Variants in TBC1D16 observed in about 807,000 individuals in gnomAD.
The protein encoded by TBC1D16 is TBC1 domain family member 16, also known as CTD-2529O21.1.
A neutral mutation model predicts 74.7 loss-of-function variants in TBC1D16; 58 were observed. The observed-to-expected ratio is 0.78, with a 90% CI of 0.63 to 0.97. The LOEUF (loss-of-function observed/expected upper bound fraction) is 0.97. Ranked by LOEUF, TBC1D16 falls within the 50% of genes least tolerant of loss-of-function variation. The pLI, the probability that TBC1D16 is intolerant of heterozygous loss-of-function variation, is 0.00. For missense variants in TBC1D16, 1,014 were observed against 1,079.5 expected, an observed-to-expected ratio of 0.94 and a Z score of 0.85; for synonymous variants, 493 against 474.7, an observed-to-expected ratio of 1.04 and a Z score of -0.50.
rs1305458705 is a variant in TBC1D16, at chr17:79,983,757, T to G, written c.779+26403A>C. Reference sequence around the variant, plus strand: ...GGAGCACTGGCCTCCTAGGAAGCTCTAGTTCAGACACAGGGGGCGCTGGGT... The same window carrying G: ...GGAGCACTGGCCTCCTAGGAAGCTCGAGTTCAGACACAGGGGGCGCTGGGT... On this transcript the variant is annotated intron_variant, in intron 3 of 11. Coordinates refer to ENST00000310924, the MANE Select transcript of TBC1D16 (RefSeq NM_019020.4). The surrounding 1 kb of genome is among the most constrained non-coding windows in gnomAD (Gnocchi z 5.6). Among the ~76,000 whole-genome samples, 5 of 152,178 alleles carry G rather than the reference T, an allele frequency of 3.3e-5. No individual in the cohort carries two copies. Among genetic ancestry groups the G allele is most frequent in the Admixed American group, 2.0e-4 (3 of 15,286 alleles).
intron 10 of TBC1D16, among the ~76,000 whole-genome samples, chr17:79,943,424 C>T (rs1340529020): frequency 2.0e-5 from 3 of 152,122 alleles, no homozygotes; most frequent in East Asian, 1.9e-4. Context: ...GGCGTAGGGC[C>T]GTCCAGCCCC....
chr17:80,005,357 C>A, intron 3 of TBC1D16, among the ~76,000 whole-genome samples: 1 of 152,212 alleles, frequency 6.6e-6, no homozygotes, highest in South Asian at 2.1e-4. Context: ...TCAGTGGACA[C>A]GGTACCAGCC....
Position 79,950,822 on chromosome 17 carries a change from A to ACT in TBC1D16, c.1090-246_1090-245dup. 6.5e-7 allele frequency: 1 copy of ACT among 1,532,010 alleles called. No homozygotes were observed. Among genetic ancestry groups the ACT allele is most frequent in the Non-Finnish European group, 8.7e-7 (1 of 1,144,880 alleles). The allele number at this position is 1,532,010 out of a possible 1,614,324, so 94.9% of individuals were successfully genotyped here. On this transcript the variant is annotated intron_variant, in intron 5 of 11. Coordinates refer to ENST00000310924, the MANE Select transcript of TBC1D16 (RefSeq NM_019020.4). This position sits in a 1 kb window ranked among gnomAD's most constrained non-coding sequence, Gnocchi z 4.6. The stretch of plus-strand genomic sequence containing the variant: ...CCGGCCCACTGTGCCGCCGCCCCCC[A>ACT]CTCTCTCCAACCCCAGCCGCAAAAA...
chr17:79,965,073 T>C (rs967049022), intron 3 of TBC1D16, among the ~76,000 whole-genome samples: 1 of 119,570 alleles, frequency 8.4e-6, no homozygotes, highest in South Asian at 2.9e-4. Context: ...AATAAGCTAA[T>C]TTTCTGTATT....
rs1420667175 is a variant in TBC1D16 at position 79,939,729 on chromosome 17, A to G, written c.*1130T>C. 6.6e-6 allele frequency: 1 copy of G among 152,206 alleles called. No homozygotes were observed. Among genetic ancestry groups the G allele is most frequent in the East Asian group, 1.9e-4 (1 of 5,190 alleles). 9.4% of individuals were successfully genotyped at this position (152,206 alleles called of 1,614,324 possible). On this transcript the variant is annotated 3_prime_UTR_variant, in exon 12 of 12. Transcript: ENST00000310924. ...TTGGAAGAGGGAGAGTCTGTTGGGA[A>G]GACCTCATTCCCACATAGAAGGCAG... is the stretch of plus-strand genomic sequence containing the variant.
rs779538004 is a variant in TBC1D16, at chr17:80,009,886, T to G, written c.779+274A>C. On this transcript the variant is annotated intron_variant, in intron 3 of 11. Transcript: ENST00000310924. The surrounding 1 kb of genome is among the most constrained non-coding windows in gnomAD (Gnocchi z 5.4). ...TGGGCCCATCAGACCTGGTAGGGCCTGTTTAGTCCTAGTGAGTCTCAAGGA... is the reference window on the plus strand; with the variant it reads ...TGGGCCCATCAGACCTGGTAGGGCCGGTTTAGTCCTAGTGAGTCTCAAGGA... Among the ~76,000 whole-genome samples the G allele has an allele frequency of 2.1e-4, 32 of 152,142 alleles. No homozygotes were observed. Among genetic ancestry groups the G allele is most frequent in the Non-Finnish European group, 3.8e-4 (26 of 68,024 alleles).
rs982321776 is a variant in TBC1D16, at chr17:79,935,922, T to C, written c.*4937A>G. 6 of 152,202 alleles carry C rather than the reference T, an allele frequency of 3.9e-5. No homozygotes were observed. Among genetic ancestry groups the C allele is most frequent in the African/African-American group, 7.2e-5 (3 of 41,446 alleles). 9.4% of individuals were successfully genotyped at this position (152,202 alleles called of 1,614,324 possible). A position where few individuals can be genotyped will look rare whatever the true frequency, so the allele number is the denominator to read the frequency against. On this transcript the variant is annotated 3_prime_UTR_variant, in exon 12 of 12. Transcript: ENST00000310924. ...AGATGGTTGCATGACTTGACCTCTC[T>C]TTGAACTTGAAATGCTACCTTCCTA... is the stretch of plus-strand genomic sequence containing the variant.
rs530255584 is a variant in TBC1D16, at chr17:79,983,551, C to T, written c.779+26609G>A. 2.4e-4 allele frequency among the ~76,000 whole-genome samples: 37 copies of T among 152,234 alleles called. No individual in the cohort carries two copies. The highest frequency in any genetic ancestry group is 6.5e-4 in the Admixed American group (10 of 15,288). Reference sequence around the variant, plus strand: ...GCACCTCAGGCACGGGGAGCTGAGCCACCGACGGCTACAAAGACGGGGACG... The same window carrying T: ...GCACCTCAGGCACGGGGAGCTGAGCTACCGACGGCTACAAAGACGGGGACG... On this transcript the variant is annotated intron_variant, in intron 3 of 11. Transcript: ENST00000310924. The surrounding 1 kb of genome is among the most constrained non-coding windows in gnomAD (Gnocchi z 5.6).
rs1285293 is a variant in TBC1D16 at position 79,950,977 on chromosome 17, C to T, written c.1090-399G>A. On this transcript the variant is annotated intron_variant, in intron 5 of 11. Transcript: ENST00000310924. This position sits in a 1 kb window ranked among gnomAD's most constrained non-coding sequence, Gnocchi z 4.6. The stretch of plus-strand genomic sequence containing the variant: ...GAGCCAGCCTGTCAGATTGCCTCCG[C>T]GAGCAGTCACGAATCCAGGGCAAAA... 275,946 of 829,764 alleles carry T rather than the reference C, an allele frequency of 0.33. 47,086 individuals carry two copies. Among genetic ancestry groups the T allele is most frequent in the Non-Finnish European group, 0.36 (201,516 of 557,530 alleles). 51.4% of individuals were successfully genotyped at this position (829,764 alleles called of 1,614,324 possible).
At position 79,941,489 on chromosome 17, in the gene TBC1D16, A is replaced by AC. The variant is rs558171757; in HGVS notation, c.2056-383dup. ...CTCTTCTTCCCCCGCACCTTGCTCC[A>AC]CCCCCCACCCCCAGCAGCCTCTCAG... is the stretch of plus-strand genomic sequence containing the variant. On this transcript the variant is annotated intron_variant, in intron 11 of 11. Transcript: ENST00000310924. This position sits in a 1 kb window ranked among gnomAD's most constrained non-coding sequence, Gnocchi z 4.3. 3.6e-4 allele frequency among the ~76,000 whole-genome samples: 51 copies of AC among 141,204 alleles called. 1 individual carries two copies. Among genetic ancestry groups the AC allele is most frequent in the African/African-American group, 1.3e-3 (48 of 37,688 alleles). 92.6% of individuals were successfully genotyped at this position (141,204 alleles called of 152,430 possible). A position where few individuals can be genotyped will look rare whatever the true frequency, so the allele number is the denominator to read the frequency against.
In TBC1D16 at chr17:80,009,874, C is replaced by A. The variant is rs1271387037; in HGVS notation, c.779+286G>T. ...TAGCCTTGGTCATGGGCCCATCAGACCTGGTAGGGCCTGTTTAGTCCTAGT... is the reference window on the plus strand; with the variant it reads ...TAGCCTTGGTCATGGGCCCATCAGAACTGGTAGGGCCTGTTTAGTCCTAGT... On this transcript the variant is annotated intron_variant, in intron 3 of 11. Coordinates refer to ENST00000310924, the MANE Select transcript of TBC1D16 (RefSeq NM_019020.4). The surrounding 1 kb of genome is among the most constrained non-coding windows in gnomAD (Gnocchi z 5.4). Among the ~76,000 whole-genome samples the A allele has an allele frequency of 6.6e-6, 1 of 152,202 alleles. No homozygotes were observed. Among genetic ancestry groups the A allele is most frequent in the Non-Finnish European group, 1.5e-5 (1 of 68,024 alleles).
intron 3 of TBC1D16, among the ~76,000 whole-genome samples, chr17:79,982,725 G>A (rs767992086): frequency 8.6e-5 from 13 of 151,956 alleles, no homozygotes; most frequent in East Asian, 7.9e-4. Context: ...CGGGTGTAAC[G>A]GCCGGTGCCT....
At position 80,007,775 on chromosome 17, in the gene TBC1D16, A is replaced by G. The variant is rs2035733172; in HGVS notation, c.779+2385T>C. Among the ~76,000 whole-genome samples the G allele has an allele frequency of 6.6e-6, 1 of 152,152 alleles. No homozygotes were observed. On this transcript the variant is annotated intron_variant, in intron 3 of 11. Coordinates refer to ENST00000310924, the MANE Select transcript of TBC1D16 (RefSeq NM_019020.4). The surrounding 1 kb of genome is among the most constrained non-coding windows in gnomAD (Gnocchi z 4.5). ...GCAGAGAGAGCCCCACAAGATCTAG[A>G]GGCAGAGAGGACGACGAACTTGGAG...
intron 3 of TBC1D16, 145 bp from the exon 4 acceptor site, chr17:79,952,963 A>C: frequency 1.2e-6 from 1 of 837,796 alleles, no homozygotes. Context: ...CCCTGTAAAC[A>C]CCTGTGAATA....
Position 79,994,719 on chromosome 17 carries a change from C to T in TBC1D16, c.779+15441G>A, listed in dbSNP as rs915530665. Among the ~76,000 whole-genome samples the T allele has an allele frequency of 2.6e-5, 4 of 152,142 alleles. No individual in the cohort carries two copies. Among genetic ancestry groups the T allele is most frequent in the Non-Finnish European group, 5.9e-5 (4 of 68,042 alleles). The stretch of plus-strand genomic sequence containing the variant: ...GATTACAGGCGTGAGCCATTGCGCC[C>T]GGCCGAGAATGTTTTTTCAAAAAAG... On this transcript the variant is annotated intron_variant, in intron 3 of 11. Coordinates refer to ENST00000310924, the MANE Select transcript of TBC1D16 (RefSeq NM_019020.4). The surrounding 1 kb of genome is among the most constrained non-coding windows in gnomAD (Gnocchi z 4.6).
rs139176898 is a variant in TBC1D16 at position 79,961,446 on chromosome 17, T to C, written c.780-8628A>G. 1.9e-3 allele frequency among the ~76,000 whole-genome samples: 293 copies of C among 152,340 alleles called. 1 individual carries two copies. The highest frequency in any genetic ancestry group is 6.7e-3 in the African/African-American group (277 of 41,584). The stretch of plus-strand genomic sequence containing the variant: ...TTAGGAAAGCAGTTCAGTAATTTCT[T>C]AAAAATTAAACACATGCCTGTTTCC... On this transcript the variant is annotated intron_variant, in intron 3 of 11. Coordinates refer to ENST00000310924, the MANE Select transcript of TBC1D16 (RefSeq NM_019020.4). This position sits in a 1 kb window ranked among gnomAD's most constrained non-coding sequence, Gnocchi z 4.8.
intron 8 of TBC1D16, among the ~76,000 whole-genome samples, chr17:79,948,038 C>T (rs1445548144): frequency 1.1e-4 from 16 of 152,196 alleles, no homozygotes; most frequent in South Asian, 2.1e-4. Flanking sequence ...TGGCCGGGCG[C>T]GGTGGCCCAC....
intron 4 of TBC1D16, 87 bp downstream of exon 4, chr17:79,952,570 C>G: frequency 6.7e-7 from 1 of 1,489,424 alleles, no homozygotes; most frequent in Non-Finnish European, 9.0e-7. Context: ...GTCCCCAAGC[C>G]GTGCACTGCA....
chr17:79,962,662 G>A lies in TBC1D16; in HGVS notation c.780-9844C>T, dbSNP rs574307846. ...AAACAATAGCTTCCAGGCCAGGCGC[G>A]GTGGCTCATGCCTGTAATTCCAGCA... is the stretch of plus-strand genomic sequence containing the variant. On this transcript the variant is annotated intron_variant, in intron 3 of 11. Coordinates refer to ENST00000310924, the MANE Select transcript of TBC1D16 (RefSeq NM_019020.4). Among the ~76,000 whole-genome samples, 23 of 152,128 alleles carry A rather than the reference G, an allele frequency of 1.5e-4. No homozygotes were observed. The South Asian group carries it at 2.1e-3, about 14-fold the overall frequency.
Sources: gnomAD v4.1 joint callset for allele counts (sites outside exome capture counted in the v4.1 genomes callset) on GRCh38, gnomAD v4.1.1 for gene constraint, Gnocchi (gnomAD v3.1) non-coding constraint, MANE v1.5 for transcripts, NCBI Gene and HGNC (gene_info 2026-07-23, HGNC 2026-07-21) for gene names.